SVIL: variants seen among roughly 807,000 people sequenced by gnomAD.
SVIL encodes the protein archvillin.
In SVIL, 101 loss-of-function variants were observed where a neutral mutation model predicts 240.4. The ratio of observed to expected loss-of-function variants is 0.42; its 90% CI spans 0.36 to 0.50. SVIL has a LOEUF of 0.50. Among genes scored for constraint, SVIL ranks in the 20% least tolerant of loss-of-function variants. The pLI is 0.01. For synonymous variants in SVIL, 999 were observed against 1,100.0 expected (o/e 0.91, Z 1.82); for missense variants, 2,512 against 2,818.7 (o/e 0.89, Z 2.46).
chr10:29,489,640 C>G (rs189051953), intron 22 of SVIL, among the ~76,000 whole-genome samples: 1 of 152,052 alleles, frequency 6.6e-6, no homozygotes. Flanking sequence ...CTTGACCTCC[C>G]GGGGTTTAGT....
At chr10:29,539,422 C>T (rs1951981876) in intron 6 of SVIL, among the ~76,000 whole-genome samples, 1 of 152,148 alleles carries the variant, frequency 6.6e-6, no homozygotes, top group Non-Finnish European at 1.5e-5. Context: ...GTCTTTAGTA[C>T]ATTTAAAGCA....
At chr10:29,696,264 C>T (rs1227445543) in intron 1 of SVIL, among the ~76,000 whole-genome samples, 2 of 151,966 alleles carry the variant, frequency 1.3e-5, no homozygotes, top group African/African-American at 4.8e-5. Flanking sequence ...CTCAATGGTG[C>T]CCAGGCTGGA....
chr10:29,561,068 G>A (rs1564641773), intron 3 of SVIL, among the ~76,000 whole-genome samples: 1 of 150,760 alleles, frequency 6.6e-6, no homozygotes, highest in Non-Finnish European at 1.5e-5. Context: ...TAATCCACCT[G>A]CCTTGGCCTC....
chr10:29,534,859 T>G (rs2132574618), intron 7 of SVIL, among the ~76,000 whole-genome samples: 1 of 152,368 alleles, frequency 6.6e-6, no homozygotes, highest in South Asian at 2.1e-4. Flanking sequence ...TAGTTCTTAT[T>G]TTTGGTTTTT....
intron 28 of SVIL, among the ~76,000 whole-genome samples, chr10:29,481,168 T>TGTG (rs66830131): frequency 0.034 from 3,713 of 109,524 alleles, 82 homozygotes; most frequent in Admixed American, 0.08. Flanking sequence ...GTGTGTGTGT[T>TGTG]TGTTTGTGTG....
At chr10:29,485,590 C>T (rs1947316895) in intron 26 of SVIL, among the ~76,000 whole-genome samples, 1 of 152,202 alleles carries the variant, frequency 6.6e-6, no homozygotes, top group South Asian at 2.1e-4. Context: ...TACTCTTCCA[C>T]CCAATTAAAC....
intron 1 of SVIL, among the ~76,000 whole-genome samples, chr10:29,576,883 A>G (rs1955720138): frequency 2.0e-5 from 3 of 151,180 alleles, no homozygotes; most frequent in Non-Finnish European, 4.4e-5. Context: ...AATGCAAATG[A>G]TTTTTTTTTG....
chr10:29,633,700 C>T (rs1462428431), intron 1 of SVIL, among the ~76,000 whole-genome samples: 2 of 151,850 alleles, frequency 1.3e-5, no homozygotes, highest in South Asian at 2.1e-4. Flanking sequence ...GTCAAATAAG[C>T]CTTCTATGTT....
chr10:29,519,845 T>A (rs976264086), intron 16 of SVIL, among the ~76,000 whole-genome samples: 5 of 152,228 alleles, frequency 3.3e-5, no homozygotes, highest in Non-Finnish European at 5.9e-5. Flanking sequence ...ATGGCTTCTG[T>A]TAGCCAGCAG....
intron 3 of SVIL, among the ~76,000 whole-genome samples, chr10:29,640,563 G>T (rs1312681908): frequency 1.3e-5 from 2 of 152,124 alleles, no homozygotes; most frequent in Non-Finnish European, 2.9e-5. Context: ...CGGGAACATG[G>T]AACTCAAGAG....
chr10:29,639,187 T>C (rs1220260639), upstream of SVIL, among the ~76,000 whole-genome samples: 1 of 152,212 alleles, frequency 6.6e-6, no homozygotes, highest in Non-Finnish European at 1.5e-5. Flanking sequence ...TTTTTCTTTT[T>C]CTTGAGACAG....
intron 37 of SVIL, 40 bp downstream of exon 37, chr10:29,458,394 G>T (rs1943810767): frequency 6.2e-7 from 1 of 1,606,900 alleles, no homozygotes; most frequent in African/African-American, 1.3e-5. Flanking sequence ...TGCGTGTGTT[G>T]TTTTACTCCC....
intron 3 of SVIL, among the ~76,000 whole-genome samples, chr10:29,561,467 T>C (rs1417618035): frequency 6.6e-6 from 1 of 152,118 alleles, no homozygotes; most frequent in Non-Finnish European, 1.5e-5. Context: ...ACCTCTGCTA[T>C]GTAGAACTTT....
intron 7 of SVIL, among the ~76,000 whole-genome samples, chr10:29,533,798 G>T (rs1260882600): frequency 6.6e-6 from 1 of 152,072 alleles, no homozygotes. Flanking sequence ...CATGCATTAG[G>T]GCATAATGAG....
chr10:29,629,422 T>C (rs1957999654), intron 1 of SVIL, among the ~76,000 whole-genome samples: 2 of 152,222 alleles, frequency 1.3e-5, no homozygotes, highest in South Asian at 4.1e-4. Context: ...TGGATCCTGT[T>C]TGTTGAATCT....
At chr10:29,696,258 A>G (rs887238609) in intron 1 of SVIL, among the ~76,000 whole-genome samples, 5 of 151,862 alleles carry the variant, frequency 3.3e-5, no homozygotes, top group South Asian at 2.1e-4. Flanking sequence ...TTAGTGCTCA[A>G]TGGTGCCCAG....
chr10:29,628,456 TTCAATGACTGTATCTA>T (rs1302192030), intron 1 of SVIL, among the ~76,000 whole-genome samples: 3 of 152,366 alleles, frequency 2.0e-5, no homozygotes, highest in Admixed American at 6.5e-5. Flanking sequence ...GGTTTTTCTA[TTCAATGACTGTATCTA>T]TCCATCCAAG....
rs74385930 is a variant in SVIL at position 29,523,889 on chromosome 10, A to T, written c.2725T>A (p.Tyr909Asn). ...PLDHNASATD[Y>N]KFSSSIENSD... ...TTTTCTATTGAAGAAGAAAACTTAT[A>T]GTCAGTGGCACTTGCATTGTGGTCA... Residue 909 changes from tyrosine to asparagine, a missense_variant, in exon 15 of 38, where the codon TAT becomes AAT. By Grantham distance (143) the Tyr-to-Asn change is moderately radical (BLOSUM62 -2). Around this residue, in one of 3 missense-constraint regions of SVIL, gnomAD observed 1,443 missense variants for 1,486.6 expected, o/e 0.97. Coordinates refer to ENST00000355867, the MANE Select transcript of SVIL (RefSeq NM_021738.3). The T allele has an allele frequency of 6.2e-7, 1 of 1,614,210 alleles. No homozygotes were observed. Among genetic ancestry groups the T allele is most frequent in the East Asian group, 2.2e-5 (1 of 44,884 alleles).
At chr10:29,624,165 T>TC (rs1957774680) in intron 1 of SVIL, among the ~76,000 whole-genome samples, 1 of 30,194 alleles carries the variant, frequency 3.3e-5, no homozygotes, top group Non-Finnish European at 7.2e-5. Context: ...AAATGAGCTT[T>TC]CAAAAAAAAA....
Sources: allele counts gnomAD v4.1 joint callset (sites outside exome capture counted in the v4.1 genomes callset), GRCh38; gene constraint gnomAD v4.1.1; regional missense constraint gnomAD v4.1.1; transcripts MANE v1.5; gene names NCBI Gene and HGNC (gene_info 2026-07-23, HGNC 2026-07-21).